Variants in NKAIN2 observed in about 807,000 individuals in gnomAD.
NKAIN2 encodes the protein sodium/potassium-transporting ATPase subunit beta-1-interacting protein 2.
In NKAIN2, 14 loss-of-function variants were observed where a neutral mutation model predicts 32.6. That is an observed-to-expected ratio of 0.43 (90% CI 0.28 to 0.67). The LOEUF (loss-of-function observed/expected upper bound fraction) is 0.67, where lower values mean the gene tolerates loss of function less well. NKAIN2 is among the 30% of genes least tolerant of loss of function. The probability of loss-of-function intolerance (pLI) is 0.17; values close to 1 mark genes in which losing one functional copy is unlikely to be tolerated. For synonymous variants in NKAIN2, 80 were observed against 87.2 expected (o/e 0.92, Z 0.46); for missense variants, 198 against 258.3 (o/e 0.77, Z 1.60).
chr6:124,113,553 G>C (rs961252336), intron 1 of NKAIN2, among the ~76,000 whole-genome samples: 2 of 152,094 alleles, frequency 1.3e-5, no homozygotes, highest in East Asian at 1.9e-4. Context: ...CAGGTGTCTA[G>C]ACTGTGCTGG....
chr6:124,435,883 T>C (rs1484654275), intron 3 of NKAIN2, among the ~76,000 whole-genome samples: 1 of 151,626 alleles, frequency 6.6e-6, no homozygotes, highest in Non-Finnish European at 1.5e-5. Context: ...TTCTTGGAAA[T>C]CTATTCTTCA....
At chr6:124,512,929 A>G (rs1387416777) in intron 3 of NKAIN2, among the ~76,000 whole-genome samples, 2 of 152,200 alleles carry the variant, frequency 1.3e-5, no homozygotes, top group Admixed American at 6.5e-5. Flanking sequence ...GCAAGACATT[A>G]TATAAAATCC....
chr6:124,628,945 G>A (rs930358786), intron 3 of NKAIN2, among the ~76,000 whole-genome samples: 2 of 152,138 alleles, frequency 1.3e-5, no homozygotes, highest in African/African-American at 4.8e-5. Context: ...AGGAGTGTGA[G>A]CATTCTACAG....
At chr6:124,483,306 G>A (rs974359398) in intron 3 of NKAIN2, among the ~76,000 whole-genome samples, 3 of 152,110 alleles carry the variant, frequency 2.0e-5, no homozygotes, top group Admixed American at 1.3e-4. Flanking sequence ...CAAATAAAAT[G>A]TATTTTGCAT....
intron 1 of NKAIN2, among the ~76,000 whole-genome samples, chr6:123,892,625 A>G (rs1311270725): frequency 3.3e-5 from 5 of 151,896 alleles, no homozygotes; most frequent in African/African-American, 1.2e-4. Flanking sequence ...ATCAATGACT[A>G]TCAGGTTTTC....
At chr6:124,221,772 C>T (rs771257771) in intron 1 of NKAIN2, among the ~76,000 whole-genome samples, 14 of 151,960 alleles carry the variant, frequency 9.2e-5, no homozygotes, top group Non-Finnish European at 2.1e-4. Context: ...TCTGGTAAAA[C>T]ATGCATGAGG....
intron 1 of NKAIN2, among the ~76,000 whole-genome samples, chr6:124,046,284 A>G (rs1007213040): frequency 1.3e-5 from 2 of 151,960 alleles, no homozygotes; most frequent in African/African-American, 4.8e-5. Context: ...GTTTAAGTCA[A>G]TCCATTTTCT....
chr6:124,436,219 A>G (rs1203029755), intron 3 of NKAIN2, among the ~76,000 whole-genome samples: 1 of 152,148 alleles, frequency 6.6e-6, no homozygotes, highest in Non-Finnish European at 1.5e-5. Flanking sequence ...TGATGACAAA[A>G]TGTTATTCAT....
At chr6:123,847,578 A>T (rs1243879163) in intron 1 of NKAIN2, among the ~76,000 whole-genome samples, 1 of 152,074 alleles carries the variant, frequency 6.6e-6, no homozygotes, top group Admixed American at 6.6e-5. Context: ...CATTTGAAGG[A>T]TTTGTTTCCT....
intron 2 of NKAIN2, among the ~76,000 whole-genome samples, chr6:124,290,691 CTT>C (rs58064643): frequency 5.7e-5 from 8 of 140,036 alleles, no homozygotes; most frequent in African/African-American, 5.1e-5. Context: ...TTTCTGATTG[CTT>C]TTTTTTTTTT....
chr6:124,296,889 TA>T (rs1190159741), intron 2 of NKAIN2, among the ~76,000 whole-genome samples: 4 of 152,098 alleles, frequency 2.6e-5, no homozygotes, highest in Admixed American at 6.5e-5. Flanking sequence ...CGGACACACA[TA>T]AAAAAAGTAG....
At chr6:123,916,829 T>TTATTTATC (rs1775524596) in intron 1 of NKAIN2, among the ~76,000 whole-genome samples, 1 of 150,798 alleles carries the variant, frequency 6.6e-6, no homozygotes, top group Non-Finnish European at 1.5e-5. Context: ...ATCTATCTAT[T>TTATTTATC]TATCTATCTA....
chr6:124,709,050 G>C lies in NKAIN2; in HGVS notation c.474+50664G>C, dbSNP rs1264170574. 4.0e-5 allele frequency among the ~76,000 whole-genome samples: 5 copies of C among 124,220 alleles called. 1 individual carries two copies. Among genetic ancestry groups the C allele is most frequent in the Non-Finnish European group, 8.6e-5 (5 of 58,264 alleles). 81.5% of individuals were successfully genotyped at this position (124,220 alleles called of 152,430 possible). On this transcript the variant is annotated intron_variant, in intron 4 of 6. Transcript: ENST00000368417. ...TTTATTGAGAGTTTTTAGCATTAAG[G>C]GTTGTTGAATTTTGTCAAAGGCTTT...
chr6:124,718,769 G>A (rs867737465), intron 4 of NKAIN2, among the ~76,000 whole-genome samples: 2 of 133,304 alleles, frequency 1.5e-5, no homozygotes, highest in Non-Finnish European at 3.4e-5. Flanking sequence ...TGAAAGTGAC[G>A]CTTATGCAGA....
At chr6:124,337,022 T>C (rs1475522832) in intron 2 of NKAIN2, among the ~76,000 whole-genome samples, 1 of 152,118 alleles carries the variant, frequency 6.6e-6, no homozygotes, top group African/African-American at 2.4e-5. Context: ...TACTAATAGA[T>C]TGGAACCCTG....
chr6:124,202,063 A>G (rs1038383286), intron 1 of NKAIN2, among the ~76,000 whole-genome samples: 1 of 151,880 alleles, frequency 6.6e-6, no homozygotes, highest in Non-Finnish European at 1.5e-5. Flanking sequence ...TTGTGGGCAG[A>G]GTGGCAGTGG....
chr6:124,814,879 G>A (rs1049855284), intron 5 of NKAIN2, among the ~76,000 whole-genome samples: 2 of 151,984 alleles, frequency 1.3e-5, no homozygotes, highest in Non-Finnish European at 2.9e-5. Flanking sequence ...CTAAATCCCT[G>A]TAATCAAGTT....
intron 1 of NKAIN2, among the ~76,000 whole-genome samples, chr6:123,978,239 G>A (rs1023448481): frequency 1.3e-5 from 2 of 152,150 alleles, no homozygotes; most frequent in Admixed American, 1.3e-4. Flanking sequence ...GATAAAAAAA[G>A]TGAGACGTCT....
intron 1 of NKAIN2, among the ~76,000 whole-genome samples, chr6:123,852,405 C>A (rs1481624869): frequency 6.6e-6 from 1 of 152,054 alleles, no homozygotes; most frequent in East Asian, 1.9e-4. Flanking sequence ...TCTTCCTGTT[C>A]AACTGAAATT....
Sources: gnomAD v4.1 joint callset for allele counts (sites outside exome capture counted in the v4.1 genomes callset) on GRCh38, gnomAD v4.1.1 for gene constraint, MANE v1.5 for transcripts, NCBI Gene and HGNC (gene_info 2026-07-23, HGNC 2026-07-21) for gene names.